PHF24: variants seen among roughly 807,000 people sequenced by gnomAD.
The protein encoded by PHF24 is PHD finger protein 24.
PHF24 carries 25 observed loss-of-function variants against 42.6 expected under a neutral mutation model. The ratio of observed to expected loss-of-function variants is 0.59; its 90% CI spans 0.43 to 0.82. The LOEUF (loss-of-function observed/expected upper bound fraction) is 0.82. PHF24 is among the 40% of genes least tolerant of loss of function. The pLI is 0.00. For missense variants in PHF24, 470 were observed against 538.1 expected, an observed-to-expected ratio of 0.87 and a Z score of 1.25; for synonymous variants, 185 against 204.8, an observed-to-expected ratio of 0.90 and a Z score of 0.83.
chr9:34,768,884 C>T, the PHF24 span, among the ~76,000 whole-genome samples: 1 of 149,704 alleles, frequency 6.7e-6, no homozygotes. Context: ...TTTACTACTA[C>T]TAGTAGGTGG....
chr9:34,734,373 G>A, the PHF24 span, among the ~76,000 whole-genome samples: 293 of 152,254 alleles, frequency 1.9e-3, no homozygotes, highest in African/African-American at 6.7e-3. Flanking sequence ...TCCTTTCCAC[G>A]AACCTTAGTG....
the PHF24 span, among the ~76,000 whole-genome samples, chr9:34,823,207 A>C: frequency 3.8e-4 from 54 of 141,274 alleles, no homozygotes; most frequent in African/African-American, 1.5e-3. Context: ...CGTCTCAAAA[A>C]AAAAAAAAAA....
chr9:34,710,089 G>A, the PHF24 span: 4 of 1,610,090 alleles, frequency 2.5e-6, no homozygotes, highest in Middle Eastern at 1.7e-4. Flanking sequence ...GGGTGAGTAA[G>A]AGGCCAGAGC....
the PHF24 span, among the ~76,000 whole-genome samples, chr9:34,759,507 T>C: frequency 1.3e-5 from 2 of 152,174 alleles, no homozygotes; most frequent in African/African-American, 2.4e-5. Flanking sequence ...GTGTTGGGTG[T>C]AGGGTGTTCA....
At chr9:34,789,834 T>G in the PHF24 span, among the ~76,000 whole-genome samples, 1 of 152,166 alleles carries the variant, frequency 6.6e-6, no homozygotes, top group Middle Eastern at 3.4e-3. Context: ...AAGACAAGGA[T>G]TTTGCTGTTT....
At chr9:34,929,097 C>A in the PHF24 span, among the ~76,000 whole-genome samples, 3 of 152,158 alleles carry the variant, frequency 2.0e-5, no homozygotes, top group Admixed American at 6.6e-5. Flanking sequence ...AGGCTTGTAC[C>A]CTGTCACCAA....
chr9:34,877,320 A>G, the PHF24 span, among the ~76,000 whole-genome samples: 3 of 152,092 alleles, frequency 2.0e-5, no homozygotes, highest in African/African-American at 7.2e-5. Context: ...TGACACGTTC[A>G]ACATGGATAA....
At chr9:34,761,029 A>G in the PHF24 span, among the ~76,000 whole-genome samples, 1 of 152,036 alleles carries the variant, frequency 6.6e-6, no homozygotes, top group South Asian at 2.1e-4. Flanking sequence ...GTGCTTCTCA[A>G]TCCTGCCCTT....
the PHF24 span, among the ~76,000 whole-genome samples, chr9:34,707,836 A>G: frequency 6.6e-6 from 1 of 151,704 alleles, no homozygotes; most frequent in Non-Finnish European, 1.5e-5. Flanking sequence ...GGTTCAAGTG[A>G]TTCTCCTTCC....
the PHF24 span, among the ~76,000 whole-genome samples, chr9:34,856,732 G>T: frequency 6.6e-6 from 1 of 152,230 alleles, no homozygotes; most frequent in Non-Finnish European, 1.5e-5. Context: ...GACCCCTGTT[G>T]GGAGGTCTCA....
At chr9:34,672,379 G>A in the PHF24 span, among the ~76,000 whole-genome samples, 1 of 152,058 alleles carries the variant, frequency 6.6e-6, no homozygotes, top group African/African-American at 2.4e-5. Flanking sequence ...AAAAATTTAG[G>A]CTTAAGGCTT....
the PHF24 span, among the ~76,000 whole-genome samples, chr9:34,749,775 C>T: frequency 4.0e-5 from 6 of 151,106 alleles, no homozygotes; most frequent in South Asian, 1.3e-3. Flanking sequence ...CCTCCCCTTG[C>T]CCCCCATCCC....
the PHF24 span, among the ~76,000 whole-genome samples, chr9:34,767,153 T>C: frequency 6.6e-6 from 1 of 152,104 alleles, no homozygotes; most frequent in East Asian, 1.9e-4. Context: ...GGGTCAGGGG[T>C]CAGGGACCCA....
the PHF24 span, among the ~76,000 whole-genome samples, chr9:34,760,086 C>T: frequency 4.6e-5 from 7 of 152,118 alleles, no homozygotes; most frequent in Non-Finnish European, 8.8e-5. Context: ...TGGTTGAGAG[C>T]GAACAGCAAA....
the PHF24 span, among the ~76,000 whole-genome samples, chr9:34,936,587 C>G: frequency 6.8e-6 from 1 of 146,892 alleles, no homozygotes; most frequent in African/African-American, 2.5e-5. Flanking sequence ...AAGTGAGGAG[C>G]GTCTCTGCCC....
At chr9:34,678,647 T>G in the PHF24 span, among the ~76,000 whole-genome samples, 4 of 151,968 alleles carry the variant, frequency 2.6e-5, no homozygotes, top group Non-Finnish European at 4.4e-5. Context: ...TTCTTTTTTT[T>G]TGAGACAGAG....
the PHF24 span, among the ~76,000 whole-genome samples, chr9:34,759,259 T>G: frequency 6.6e-6 from 1 of 152,176 alleles, no homozygotes; most frequent in Non-Finnish European, 1.5e-5. Flanking sequence ...CACTAGTTTC[T>G]CTATCAGCTG....
chr9:34,904,298 T>C, the PHF24 span, among the ~76,000 whole-genome samples: 1 of 152,178 alleles, frequency 6.6e-6, no homozygotes, highest in Non-Finnish European at 1.5e-5. Flanking sequence ...CCTTGTCTTA[T>C]TCCCCTTCTC....
the PHF24 span, among the ~76,000 whole-genome samples, chr9:34,797,555 T>G: frequency 6.6e-6 from 1 of 152,182 alleles, no homozygotes; most frequent in Non-Finnish European, 1.5e-5. Flanking sequence ...GGCCAAACTC[T>G]GCCTTATTCC....
Sources: gnomAD v4.1 joint callset for allele counts (sites outside exome capture counted in the v4.1 genomes callset) on GRCh38, gnomAD v4.1.1 for gene constraint, MANE v1.5 for transcripts, NCBI Gene and HGNC (gene_info 2026-07-23, HGNC 2026-07-21) for gene names.